PC: variants seen among roughly 807,000 people sequenced by gnomAD.
The protein encoded by PC is pyruvate carboxylase, also known as pyruvate carboxylase, mitochondrial.
PC carries 46 observed loss-of-function variants against 107.8 expected under a neutral mutation model. The observed-to-expected ratio is 0.43, with a 90% CI of 0.34 to 0.55. The LOEUF (loss-of-function observed/expected upper bound fraction) is 0.55, where lower values mean the gene tolerates loss of function less well. Among genes scored for constraint, PC ranks in the 20% least tolerant of loss-of-function variants. PC has a pLI of 0.04. For synonymous variants in PC, 662 were observed against 684.7 expected, an observed-to-expected ratio of 0.97 and a Z score of 0.52; for missense variants, 1,241 against 1,643.1, an observed-to-expected ratio of 0.76 and a Z score of 4.23.
At chr11:66,856,297 C>A (rs1025560994) in intron 12 of PC, among the ~76,000 whole-genome samples, 1 of 152,238 alleles carries the variant, frequency 6.6e-6, no homozygotes, top group African/African-American at 2.4e-5. Context: ...TGGGAAGCCG[C>A]GCCGCGCAGA....
intron 3 of PC, among the ~76,000 whole-genome samples, chr11:66,923,364 G>C (rs1481532219): frequency 7.3e-6 from 1 of 137,364 alleles, no homozygotes; most frequent in Non-Finnish European, 1.5e-5. Context: ...CTGGGAGATA[G>C]AGCGAGACTC....
chr11:66,936,343 A>G (rs1342437568), intron 3 of PC, among the ~76,000 whole-genome samples: 1 of 152,196 alleles, frequency 6.6e-6, no homozygotes, highest in African/African-American at 2.4e-5. Flanking sequence ...GGATATTATC[A>G]AGAACAGAAC....
chr11:66,870,764 G>T lies in PC; in HGVS notation c.751+11C>A, dbSNP rs368821394. On this transcript the variant is annotated intron_variant, in intron 8 of 22. Transcript: ENST00000393960. The surrounding 1 kb of genome is among the most constrained non-coding windows in gnomAD (Gnocchi z 6.1). ...TCCAGCTGCCCCAGGCGGGGCGTCA[G>T]GACCACTCACCCAAGATCTGCACCT... The T allele has an allele frequency of 5.0e-6, 8 of 1,607,816 alleles. No individual in the cohort carries two copies. The highest frequency in any genetic ancestry group is 1.3e-5 in the African/African-American group (1 of 74,634).
chr11:66,886,247 C>T (rs185368116), intron 3 of PC, among the ~76,000 whole-genome samples: 4 of 150,194 alleles, frequency 2.7e-5, no homozygotes, highest in East Asian at 1.9e-4. Context: ...GGTGCTGGGG[C>T]GGCTGGAGCA....
At chr11:66,890,803 C>T (rs192331907) in intron 3 of PC, among the ~76,000 whole-genome samples, 5 of 152,090 alleles carry the variant, frequency 3.3e-5, no homozygotes, top group South Asian at 2.1e-4. Context: ...CCTCCCCCGC[C>T]GCGGTTGTTT....
intron 3 of PC, chr11:66,907,889 G>A (rs1769001066): frequency 6.6e-6 from 1 of 152,352 alleles, no homozygotes; most frequent in Admixed American, 6.5e-5. Context: ...CTGGGCCTGA[G>A]GCCTGCTGCC....
In PC at chr11:66,897,400, G is replaced by A. The variant is rs565140924; in HGVS notation, c.1-25241C>T. ...AGTCTGGCCAACATGGCAAAACCCC[G>A]TTTCTACTAAAAATATAATAAATTA... is the stretch of plus-strand genomic sequence containing the variant. On this transcript the variant is annotated intron_variant, in intron 3 of 22. Coordinates refer to ENST00000393960, the MANE Select transcript of PC (RefSeq NM_001040716.2). Among the ~76,000 whole-genome samples the A allele has an allele frequency of 7.9e-5, 12 of 152,152 alleles. No homozygotes were observed. In the South Asian group the frequency reaches 1.2e-3, roughly 16 times the overall value.
At chr11:66,940,753 AAAG>A (rs1454788430) in intron 3 of PC, among the ~76,000 whole-genome samples, 2 of 151,948 alleles carry the variant, frequency 1.3e-5, no homozygotes, top group Non-Finnish European at 2.9e-5. Context: ...ACATTTCCCC[AAAG>A]AAGATAGAAG....
Position 66,848,873 on chromosome 11 carries a change from G to A in PC, c.*26C>T. The A allele has an allele frequency of 6.2e-7, 1 of 1,613,190 alleles. No individual in the cohort carries two copies. Among genetic ancestry groups the A allele is most frequent in the Non-Finnish European group, 8.5e-7 (1 of 1,179,984 alleles). ...CAGCTTCTGTTGAAGGCTTGGGGAT[G>A]GCCAGGCTGCCGGTCTGGGGCAAGA... On this transcript the variant is annotated 3_prime_UTR_variant, in exon 23 of 23. Coordinates refer to ENST00000393960, the MANE Select transcript of PC (RefSeq NM_001040716.2).
intron 3 of PC, among the ~76,000 whole-genome samples, chr11:66,948,974 GAAT>G (rs987435586): frequency 7.7e-4 from 116 of 151,624 alleles, no homozygotes; most frequent in Non-Finnish European, 7.2e-4. Flanking sequence ...AAAAATGGAA[GAAT>G]TATTATTATT....
intron 3 of PC, among the ~76,000 whole-genome samples, chr11:66,932,197 G>C (rs80269544): frequency 6.6e-6 from 1 of 152,050 alleles, no homozygotes; most frequent in East Asian, 1.9e-4. Context: ...TTTGTACAAG[G>C]TGCAAGTATT....
rs1945543178 is a variant in PC, at chr11:66,852,206, A to C, written c.1825+233T>G. ...TCTACCTCTCTGTGCTATAATTAAC[A>C]GGCAGGTGTCTCCTCCTGACCCTGG... On this transcript the variant is annotated intron_variant, in intron 15 of 22. Transcript: ENST00000393960. This position sits in a 1 kb window ranked among gnomAD's most constrained non-coding sequence, Gnocchi z 4.7. Among the ~76,000 whole-genome samples the C allele has an allele frequency of 6.6e-6, 1 of 152,228 alleles. No individual in the cohort carries two copies. Among genetic ancestry groups the C allele is most frequent in the Non-Finnish European group, 1.5e-5 (1 of 68,048 alleles).
intron 3 of PC, among the ~76,000 whole-genome samples, chr11:66,917,469 C>A (rs140122165): frequency 4.6e-5 from 7 of 152,176 alleles, no homozygotes; most frequent in African/African-American, 1.4e-4. Context: ...TTTTTCCTAC[C>A]TAGGATGGAG....
chr11:66,858,500 C>T lies in PC; in HGVS notation c.1369-5117G>A, dbSNP rs1422513416. 7 of 1,537,540 alleles carry T rather than the reference C, an allele frequency of 4.6e-6. No homozygotes were observed. The highest frequency in any genetic ancestry group is 1.4e-5 in the African/African-American group (1 of 73,122). On this transcript the variant is annotated intron_variant, in intron 12 of 22. Transcript: ENST00000393960. The surrounding 1 kb of genome is among the most constrained non-coding windows in gnomAD (Gnocchi z 5.9). ...GGCTGCGGCGGCTGGCGCGGCCGGA[C>T]GACCTGGAAACGTGCGCCTCCCCGC...
At position 66,858,848 on chromosome 11, in the gene PC, G is replaced by A; in HGVS notation, c.1368+4926C>T. 6.4e-7 allele frequency: 1 copy of A among 1,551,914 alleles called. No individual in the cohort carries two copies. The highest frequency in any genetic ancestry group is 8.7e-7 in the Non-Finnish European group (1 of 1,149,102). ...CCACAGCCCGAGTAGAACTGCGGGT[G>A]CTGGCCTTGCCCCATGGTGGGAACA... On this transcript the variant is annotated intron_variant, in intron 12 of 22. Transcript: ENST00000393960. The surrounding 1 kb of genome is among the most constrained non-coding windows in gnomAD (Gnocchi z 5.9).
At chr11:66,914,284 G>A (rs1017084415) in intron 3 of PC, among the ~76,000 whole-genome samples, 1 of 152,176 alleles carries the variant, frequency 6.6e-6, no homozygotes, top group Non-Finnish European at 1.5e-5. Context: ...GGCCGAGGTG[G>A]GCGGATCACC....
chr11:66,850,060 T>A lies in PC; in HGVS notation c.2775A>T (p.Gly925=). 1 of 1,613,654 alleles carries A rather than the reference T, an allele frequency of 6.2e-7. No individual in the cohort carries two copies. Among genetic ancestry groups the A allele is most frequent in the Non-Finnish European group, 8.5e-7 (1 of 1,180,018 alleles). Residue 925 remains glycine (G), a synonymous_variant, in exon 20 of 23, where the codon GGA becomes GGT. Transcript: ENST00000393960. Reference sequence around the variant, plus strand: ...GAGCTTCGGCCTCTGCCCGGCTCAATCCATTCTGCACCATAAACTGGGCCA... The same window carrying A: ...GAGCTTCGGCCTCTGCCCGGCTCAAACCATTCTGCACCATAAACTGGGCCA... ...GDLAQFMVQN[G]LSRAEAEAQA...
intron 12 of PC, chr11:66,859,911 C>T (rs533888035): frequency 1.3e-5 from 20 of 1,581,288 alleles, no homozygotes; most frequent in South Asian, 3.5e-5. Context: ...GGTTCGGGGC[C>T]GGGGGGCCGG....
chr11:66,888,883 G>A (rs1947466168), intron 3 of PC, among the ~76,000 whole-genome samples: 1 of 152,146 alleles, frequency 6.6e-6, no homozygotes, highest in Non-Finnish European at 1.5e-5. Context: ...AGACCACCCT[G>A]ACCAACATGG....
Sources: gnomAD v4.1 joint callset for allele counts (sites outside exome capture counted in the v4.1 genomes callset) on GRCh38, gnomAD v4.1.1 for gene constraint, Gnocchi (gnomAD v3.1) non-coding constraint, MANE v1.5 for transcripts, NCBI Gene and HGNC (gene_info 2026-07-23, HGNC 2026-07-21) for gene names.